Variants in TAOK1 observed in about 807,000 individuals in gnomAD.
The protein encoded by TAOK1 is serine/threonine-protein kinase TAO1.
A neutral mutation model predicts 138.3 loss-of-function variants in TAOK1; 21 were observed. The ratio of observed to expected loss-of-function variants is 0.15; its 90% CI spans 0.11 to 0.22. TAOK1 has a LOEUF of 0.22. Ranked by LOEUF, TAOK1 falls within the 10% of genes least tolerant of loss-of-function variation. The probability of loss-of-function intolerance (pLI) is 1.00; values close to 1 mark genes in which losing one functional copy is unlikely to be tolerated. For synonymous variants in TAOK1, 361 were observed against 398.4 expected, an observed-to-expected ratio of 0.91 and a Z score of 1.12; for missense variants, 651 against 1,227.7, an observed-to-expected ratio of 0.53 and a Z score of 7.02.
intron 15 of TAOK1, among the ~76,000 whole-genome samples, chr17:29,516,832 TTTTTG>T (rs1432947809): frequency 3.3e-5 from 5 of 151,520 alleles, no homozygotes; most frequent in African/African-American, 7.3e-5. Context: ...GTTGTTGGTT[TTTTTG>T]TTTTGTTTTG....
At chr17:29,468,602 C>T (rs1262024440) in intron 3 of TAOK1, among the ~76,000 whole-genome samples, 2 of 151,294 alleles carry the variant, frequency 1.3e-5, no homozygotes, top group African/African-American at 2.4e-5. Flanking sequence ...GGCTGGAGTG[C>T]AGTGGCGCGA....
chr17:29,530,200 G>A (rs1240120106), intron 17 of TAOK1, among the ~76,000 whole-genome samples: 2 of 152,082 alleles, frequency 1.3e-5, no homozygotes, highest in African/African-American at 4.8e-5. Context: ...TTTTAAATGA[G>A]GTTTTTTGTT....
At chr17:29,498,245 C>A in intron 11 of TAOK1, 73 bp from the exon 12 acceptor site, 1 of 1,507,678 alleles carries the variant, frequency 6.6e-7, no homozygotes, top group Non-Finnish European at 9.2e-7. Context: ...ATGCTAGGTG[C>A]TTATAGTCAA....
At chr17:29,439,884 A>T (rs1906163638) in intron 1 of TAOK1, among the ~76,000 whole-genome samples, 1 of 135,332 alleles carries the variant, frequency 7.4e-6, no homozygotes, top group Non-Finnish European at 1.6e-5. Flanking sequence ...AAAAAAAAAA[A>T]AAAATTTTTT....
chr17:29,517,521 T>A lies in TAOK1; in HGVS notation c.1773T>A (p.Asn591Lys). Residue 591 changes from asparagine to lysine, a missense_variant, in exon 16 of 20, where the codon AAT (asparagine) becomes AAA (lysine). Around this residue, in one of 8 missense-constraint regions of TAOK1, gnomAD observed 258 missense variants for 548.9 expected, o/e 0.47. Coordinates refer to ENST00000261716, the MANE Select transcript of TAOK1 (RefSeq NM_020791.4). ...AGTGGCTTTCAAAGCAGAAGGAGAA[T>A]ATACAGCATTTCCAAGCAGAAGAAG... ...KQEWLSKQKE[N>K]IQHFQAEEEA... is the part of the protein sequence containing the mutation. The A allele has an allele frequency of 3.7e-6, 6 of 1,613,882 alleles. No individual in the cohort carries two copies. Among genetic ancestry groups the A allele is most frequent in the Non-Finnish European group, 5.1e-6 (6 of 1,179,994 alleles).
Position 29,543,764 on chromosome 17 carries a change from A to C in TAOK1, c.*742A>C, listed in dbSNP as rs776202355. On this transcript the variant is annotated 3_prime_UTR_variant, in exon 20 of 20. Transcript: ENST00000261716. ...ATAGGCTTGTGAGTGATTTTTGTCC[A>C]TTCAATTGTGCCTTCTTTGTATTAT... 2 of 152,144 alleles carry C rather than the reference A, an allele frequency of 1.3e-5. No homozygotes were observed. The highest frequency in any genetic ancestry group is 2.9e-5 in the Non-Finnish European group (2 of 68,022). 9.4% of individuals were successfully genotyped at this position (152,144 alleles called of 1,614,324 possible). A position where few individuals can be genotyped will look rare whatever the true frequency, so the allele number is the denominator to read the frequency against.
At position 29,442,392 on chromosome 17, in the gene TAOK1, T is replaced by TG. The variant is rs566625937; in HGVS notation, c.-94-9063_-94-9062insG. Among the ~76,000 whole-genome samples the TG allele has an allele frequency of 4.5e-3, 676 of 151,260 alleles. 10 individuals are homozygous for TG. Among genetic ancestry groups the TG allele is most frequent in the African/African-American group, 0.016 (655 of 41,126 alleles). On this transcript the variant is annotated intron_variant, in intron 1 of 19. Coordinates refer to ENST00000261716, the MANE Select transcript of TAOK1 (RefSeq NM_020791.4). ...TTTTTATGGTTTATTTTTTTCTGTT[T>TG]TTTTTTTTTTTAACATTTTCTATTT...
intron 19 of TAOK1, among the ~76,000 whole-genome samples, chr17:29,536,935 C>T (rs1396231197): frequency 6.6e-6 from 1 of 152,054 alleles, no homozygotes; most frequent in Non-Finnish European, 1.5e-5. Context: ...CTCCTGACCT[C>T]GTGATCCGCC....
At chr17:29,420,089 G>C (rs1199706645) in intron 1 of TAOK1, among the ~76,000 whole-genome samples, 3 of 151,146 alleles carry the variant, frequency 2.0e-5, no homozygotes, top group Admixed American at 2.0e-4. Context: ...TTGTCACCCA[G>C]GCTGGGGTAC....
rs373958972 is a variant in TAOK1, at chr17:29,463,496, G to A, written c.133-3649G>A. Among the ~76,000 whole-genome samples the A allele has an allele frequency of 1.2e-4, 18 of 152,066 alleles. 1 individual carries two copies. In the East Asian group the frequency reaches 1.5e-3, roughly 13 times the overall value. On this transcript the variant is annotated intron_variant, in intron 2 of 19. Coordinates refer to ENST00000261716, the MANE Select transcript of TAOK1 (RefSeq NM_020791.4). ...TGAGGCAAGAGAATCACTTGAACCC[G>A]GGAGGTGGAGGTTGCAGTGAGCCGA...
intron 3 of TAOK1, among the ~76,000 whole-genome samples, chr17:29,467,419 A>G (rs917427742): frequency 2.0e-5 from 3 of 151,872 alleles, no homozygotes; most frequent in South Asian, 2.1e-4. Flanking sequence ...GACTACAGGC[A>G]CCCGCCACCA....
chr17:29,473,360 G>A (rs2030871406), intron 3 of TAOK1, among the ~76,000 whole-genome samples: 1 of 152,104 alleles, frequency 6.6e-6, no homozygotes, highest in Non-Finnish European at 1.5e-5. Flanking sequence ...TGTTGACTGG[G>A]CATGGTGGCT....
At chr17:29,467,342 T>G in intron 3 of TAOK1, 126 bp downstream of exon 3, 2 of 403,134 alleles carry the variant, frequency 5.0e-6, no homozygotes, top group South Asian at 1.2e-4. Context: ...GGTGCAATCT[T>G]GGCTCACTGC....
chr17:29,466,506 AT>A (rs554553866), intron 2 of TAOK1, among the ~76,000 whole-genome samples: 558 of 152,292 alleles, frequency 3.7e-3, no homozygotes, highest in African/African-American at 0.013. Context: ...TGGTTTGCTA[AT>A]TTTAGAGTTT....
chr17:29,478,208 C>A, intron 5 of TAOK1, 43 bp from the exon 6 acceptor site: 3 of 1,460,220 alleles, frequency 2.1e-6, no homozygotes, highest in Non-Finnish European at 2.8e-6. Flanking sequence ...ATTTTTTTAA[C>A]AAAAATGTTC....
chr17:29,538,371 T>C (rs2032259845), intron 19 of TAOK1, among the ~76,000 whole-genome samples: 1 of 152,186 alleles, frequency 6.6e-6, no homozygotes, highest in African/African-American at 2.4e-5. Flanking sequence ...AATTATTTAG[T>C]ATTTAAAAGA....
intron 13 of TAOK1, among the ~76,000 whole-genome samples, chr17:29,506,792 A>G (rs1272352523): frequency 1.3e-5 from 2 of 152,188 alleles, no homozygotes; most frequent in Non-Finnish European, 1.5e-5. Context: ...AGACAAGTGC[A>G]TGTACACACA....
chr17:29,418,132 C>G (rs1330574103), intron 1 of TAOK1, among the ~76,000 whole-genome samples: 1 of 152,148 alleles, frequency 6.6e-6, no homozygotes, highest in Non-Finnish European at 1.5e-5. Flanking sequence ...AGCAATCCAT[C>G]TGCCTCAGGC....
chr17:29,424,085 C>T (rs1183142833), intron 1 of TAOK1, among the ~76,000 whole-genome samples: 2 of 149,178 alleles, frequency 1.3e-5, no homozygotes, highest in African/African-American at 4.9e-5. Flanking sequence ...GTTTCATGGC[C>T]CAGTATATGG....
Sources: gnomAD v4.1 joint callset for allele counts (sites outside exome capture counted in the v4.1 genomes callset) on GRCh38, gnomAD v4.1.1 for gene constraint, gnomAD v4.1.1 regional missense constraint, MANE v1.5 for transcripts, NCBI Gene and HGNC (gene_info 2026-07-23, HGNC 2026-07-21) for gene names.